The following TULP4 variants were observed in gnomAD, a reference collection of about 807,000 sequenced individuals.
TULP4 encodes TUB like protein 4.
In TULP4, 16 loss-of-function variants were observed where a neutral mutation model predicts 129.0. That is an observed-to-expected ratio of 0.12 (90% CI 0.08 to 0.19). The LOEUF is 0.19. TULP4 is among the 10% of genes least tolerant of loss of function. TULP4 has a pLI of 1.00. For missense variants in TULP4, 1,842 were observed against 2,059.1 expected (o/e 0.89, Z 2.04); for synonymous variants, 998 against 854.0 (o/e 1.17, Z -2.94).
chr6:158,440,508 C>A (rs975177279), intron 3 of TULP4, among the ~76,000 whole-genome samples: 2 of 152,112 alleles, frequency 1.3e-5, no homozygotes, highest in Non-Finnish European at 2.9e-5. Flanking sequence ...TCTAAGCCAA[C>A]GCAAAGAGTG....
intron 1 of TULP4, among the ~76,000 whole-genome samples, chr6:158,270,570 CAGTT>C (rs1226264229): frequency 2.0e-5 from 3 of 152,200 alleles, no homozygotes; most frequent in East Asian, 1.9e-4. Context: ...GATGGGCACT[CAGTT>C]AGCGTCTCTG....
chr6:158,453,310 A>T (rs1779205219), intron 5 of TULP4, among the ~76,000 whole-genome samples: 1 of 151,746 alleles, frequency 6.6e-6, no homozygotes, highest in South Asian at 2.1e-4. Context: ...TACTAAAAAT[A>T]CAAAAATTAG....
intron 9 of TULP4, among the ~76,000 whole-genome samples, chr6:158,490,403 A>G (rs1780173273): frequency 1.3e-5 from 2 of 152,194 alleles, no homozygotes; most frequent in African/African-American, 4.8e-5. Flanking sequence ...AAATAAATAA[A>G]TAAATAATAA....
chr6:158,500,163 C>G (rs1055398158), intron 12 of TULP4, among the ~76,000 whole-genome samples: 1 of 152,218 alleles, frequency 6.6e-6, no homozygotes, highest in African/African-American at 2.4e-5. Context: ...TCGTTATTGT[C>G]TGTGGTTCTC....
At chr6:158,246,023 G>GGGGGTGTGTGTGT (rs113914160) in intron 1 of TULP4, among the ~76,000 whole-genome samples, 84 of 145,920 alleles carry the variant, frequency 5.8e-4, no homozygotes, top group South Asian at 5.4e-3. Context: ...ACCCCTTAGG[G>GGGGGTGTGTGTGT]GTGTGTGTGT....
intron 6 of TULP4, among the ~76,000 whole-genome samples, chr6:158,464,590 C>T (rs1779514543): frequency 6.6e-6 from 1 of 152,200 alleles, no homozygotes; most frequent in African/African-American, 2.4e-5. Flanking sequence ...TTAAGCAGTT[C>T]TGCTTTCACC....
At chr6:158,248,959 G>A (rs3850660) in intron 1 of TULP4, among the ~76,000 whole-genome samples, 49,780 of 151,348 alleles carry the variant, frequency 0.33, 9,157 homozygotes, top group Admixed American at 0.45. Context: ...CTTCATCACT[G>A]CAACTAATGT....
rs1183591312 is a variant in TULP4, at chr6:158,494,822, T to C, written c.1846T>C (p.Phe616Leu). 2.5e-6 allele frequency: 4 copies of C among 1,613,994 alleles called. No homozygotes were observed. The Admixed American group carries it at 6.7e-5, about 27-fold the overall frequency. Reference sequence around the variant, plus strand: ...ATTTAAGATTGTGGGCTTGGCTGCTTTCCTGCCAACCAACCTCGGTGCAGG... The same window carrying C: ...ATTTAAGATTGTGGGCTTGGCTGCTCTCCTGCCAACCAACCTCGGTGCAGG... ...TKFKIVGLAA[F>L]LPTNLGAVIY... The change falls in exon 11 of 14, where the codon TTC becomes CTC. Residue 616 changes from phenylalanine to leucine, a missense_variant. Coordinates refer to ENST00000367097, the MANE Select transcript of TULP4 (RefSeq NM_020245.5).
intron 1 of TULP4, among the ~76,000 whole-genome samples, chr6:158,344,236 C>T (rs1398911891): frequency 1.3e-5 from 2 of 152,234 alleles, no homozygotes; most frequent in African/African-American, 4.8e-5. Flanking sequence ...AATGCCACCA[C>T]CCTTTGCTGA....
intron 1 of TULP4, among the ~76,000 whole-genome samples, chr6:158,262,764 G>A (rs1265481332): frequency 2.6e-5 from 4 of 152,182 alleles, no homozygotes; most frequent in Non-Finnish European, 5.9e-5. Flanking sequence ...ACAAGCAGCT[G>A]TCTCTATGCC....
At chr6:158,429,604 A>G in intron 2 of TULP4, 132 bp from the exon 3 acceptor site, 2 of 1,010,770 alleles carry the variant, frequency 2.0e-6, no homozygotes, top group Non-Finnish European at 2.8e-6. Context: ...ATAGCTTTCA[A>G]ATAACATATG....
At chr6:158,310,867 A>G (rs1300381928), upstream of TULP4, among the ~76,000 whole-genome samples, 1 of 152,206 alleles carries the variant, frequency 6.6e-6, no homozygotes, top group Non-Finnish European at 1.5e-5. Flanking sequence ...TTGGGACACA[A>G]GGGTATTAAA....
rs1419215214 is a variant in TULP4 at position 158,511,630 on chromosome 6, C to CTTACGTATTT, written c.*4938_*4947dup. The CTTACGTATTT allele has an allele frequency of 6.6e-6, 1 of 152,608 alleles. No individual in the cohort carries two copies. Among genetic ancestry groups the CTTACGTATTT allele is most frequent in the African/African-American group, 2.4e-5 (1 of 41,440 alleles). 9.5% of individuals were successfully genotyped at this position (152,608 alleles called of 1,614,324 possible). A position where few individuals can be genotyped will look rare whatever the true frequency, so the allele number is the denominator to read the frequency against. On this transcript the variant is annotated 3_prime_UTR_variant, in exon 14 of 14. Transcript: ENST00000367097. ...GAGCTCATCCTTATTTGCCTTTCTT[C>CTTACGTATTT]TTACGTATTTTGTGTATTAGATTGT...
chr6:158,506,222 C>CTT (rs61292138), intron 13 of TULP4, among the ~76,000 whole-genome samples: 16,408 of 55,458 alleles, frequency 0.3, 5,905 homozygotes, highest in African/African-American at 0.4. Flanking sequence ...TCGCCTTGTT[C>CTT]TTTTTTTTTT....
chr6:158,448,906 T>C, intron 3 of TULP4, 90 bp from the exon 4 acceptor site: 1 of 1,355,238 alleles, frequency 7.4e-7, no homozygotes, highest in Admixed American at 2.3e-5. Context: ...TAAATGTATA[T>C]TGTCTTCCTA....
chr6:158,241,154 C>T (rs971966020), intron 1 of TULP4, among the ~76,000 whole-genome samples: 10 of 134,698 alleles, frequency 7.4e-5, no homozygotes, highest in African/African-American at 2.6e-4. Flanking sequence ...CGATGGGCGG[C>T]CGGGCAGAGA....
chr6:158,401,166 T>C (rs899802568), intron 1 of TULP4, among the ~76,000 whole-genome samples: 1 of 151,976 alleles, frequency 6.6e-6, no homozygotes, highest in Non-Finnish European at 1.5e-5. Context: ...CTGGACATCA[T>C]GAGCTCAAGT....
intron 2 of TULP4, among the ~76,000 whole-genome samples, chr6:158,425,468 G>A (rs1207704063): frequency 4.3e-5 from 6 of 138,776 alleles, no homozygotes; most frequent in East Asian, 2.1e-4. Flanking sequence ...AGCTGTGATC[G>A]TGCCATTGCA....
intron 1 of TULP4, among the ~76,000 whole-genome samples, chr6:158,393,841 C>T (rs1433160162): frequency 6.6e-6 from 1 of 152,214 alleles, no homozygotes; most frequent in Non-Finnish European, 1.5e-5. Context: ...ACATTTTCCC[C>T]ATCGTCTTGG....
Sources: gnomAD v4.1 joint callset for allele counts (sites outside exome capture counted in the v4.1 genomes callset) on GRCh38, gnomAD v4.1.1 for gene constraint, MANE v1.5 for transcripts, NCBI Gene and HGNC (gene_info 2026-07-23, HGNC 2026-07-21) for gene names.